Variants in TENM2 observed in about 807,000 individuals in gnomAD.
TENM2 encodes the protein teneurin-2.
TENM2 carries 52 observed loss-of-function variants against 245.2 expected under a neutral mutation model. The observed-to-expected ratio is 0.21, with a 90% CI of 0.17 to 0.27. The LOEUF is 0.27. TENM2 is among the 10% of genes least tolerant of loss of function. The probability of loss-of-function intolerance (pLI) is 1.00; values close to 1 mark genes in which losing one functional copy is unlikely to be tolerated. For synonymous variants in TENM2, 1,363 were observed against 1,438.9 expected (o/e 0.95, Z 1.19); for missense variants, 3,046 against 3,666.8 (o/e 0.83, Z 4.37).
chr5:167,006,371 A>G, the TENM2 span, among the ~76,000 whole-genome samples: 4 of 152,180 alleles, frequency 2.6e-5, no homozygotes, highest in South Asian at 2.1e-4. Flanking sequence ...TCTTCTTAGA[A>G]GTAAGTTGTT....
Position 167,452,961 on chromosome 5 carries a change from A to AT in TENM2, c.502+77491dup, listed in dbSNP as rs1554157784. Among the ~76,000 whole-genome samples the AT allele has an allele frequency of 3.2e-3, 248 of 77,062 alleles. 4 individuals are homozygous for AT. Among genetic ancestry groups the AT allele is most frequent in the African/African-American group, 9.9e-3 (240 of 24,338 alleles). The allele number at this position is 77,062 out of a possible 152,430, so 50.6% of individuals were successfully genotyped here. On this transcript the variant is annotated intron_variant, in intron 2 of 28. Transcript: ENST00000518659. ...TATATATATATATATATATATATAT[A>AT]TTTAAAAAAAAAAACACTGGTATGG... is the stretch of plus-strand genomic sequence containing the variant.
chr5:168,050,022 C>G lies in TENM2; in HGVS notation c.1309+2473C>G, dbSNP rs532139496. Among the ~76,000 whole-genome samples, 258 of 152,244 alleles carry G rather than the reference C, an allele frequency of 1.7e-3. 1 individual carries two copies. Among genetic ancestry groups the G allele is most frequent in the African/African-American group, 5.7e-3 (236 of 41,548 alleles). On this transcript the variant is annotated intron_variant, in intron 6 of 28. Coordinates refer to ENST00000518659, the Ensembl canonical transcript of TENM2. ...TTCACCATGTTGCCCAGGCTGGTTG[C>G]AAACTCCTGAGCTCAGGCAATCCTC...
At chr5:167,371,766 A>T (rs1760456269) in intron 1 of TENM2, among the ~76,000 whole-genome samples, 1 of 152,176 alleles carries the variant, frequency 6.6e-6, no homozygotes, top group Non-Finnish European at 1.5e-5. Flanking sequence ...GTCATGGACT[A>T]TATTTTTATA....
the TENM2 span, among the ~76,000 whole-genome samples, chr5:167,107,449 G>A: frequency 6.6e-6 from 1 of 152,174 alleles, no homozygotes; most frequent in Non-Finnish European, 1.5e-5. Flanking sequence ...GAGTCCAGGA[G>A]AGATGCTAGA....
At chr5:167,664,341 C>T (rs1346895988) in intron 2 of TENM2, among the ~76,000 whole-genome samples, 1 of 152,154 alleles carries the variant, frequency 6.6e-6, no homozygotes, top group African/African-American at 2.4e-5. Context: ...AATCCCCTTG[C>T]CTAGGTCTTA....
the TENM2 span, among the ~76,000 whole-genome samples, chr5:167,184,483 G>T: frequency 6.6e-6 from 1 of 152,162 alleles, no homozygotes; most frequent in Non-Finnish European, 1.5e-5. Context: ...GGGGTGGAGG[G>T]AAGTGTCTCA....
At chr5:167,560,469 G>A (rs1773515981) in intron 2 of TENM2, among the ~76,000 whole-genome samples, 1 of 152,062 alleles carries the variant, frequency 6.6e-6, no homozygotes, top group South Asian at 2.1e-4. Context: ...ATAACCACAG[G>A]GAGAGTGGTA....
At chr5:168,089,385 A>G (rs1314085821) in intron 7 of TENM2, among the ~76,000 whole-genome samples, 1 of 152,100 alleles carries the variant, frequency 6.6e-6, no homozygotes, top group African/African-American at 2.4e-5. Context: ...CATCCCTTTC[A>G]TCACATCAGT....
intron 4 of TENM2, among the ~76,000 whole-genome samples, chr5:167,977,106 G>A (rs1287127298): frequency 2.0e-5 from 3 of 152,142 alleles, no homozygotes; most frequent in African/African-American, 7.2e-5. Context: ...ATAAGTGGGA[G>A]CTAAATGATG....
chr5:168,097,695 A>G (rs1455053598), intron 8 of TENM2, among the ~76,000 whole-genome samples: 1 of 151,858 alleles, frequency 6.6e-6, no homozygotes, highest in Non-Finnish European at 1.5e-5. Context: ...CATGTGATCC[A>G]CTTGCCTCAG....
chr5:167,627,606 G>A (rs1247928270), intron 2 of TENM2, among the ~76,000 whole-genome samples: 1 of 148,576 alleles, frequency 6.7e-6, no homozygotes, highest in East Asian at 2.0e-4. Flanking sequence ...CACCCAGGCT[G>A]GAGTGCAGTG....
At chr5:168,102,193 C>T (rs1964376) in intron 9 of TENM2, among the ~76,000 whole-genome samples, 79,065 of 151,790 alleles carry the variant, frequency 0.52, 21,060 homozygotes, top group Admixed American at 0.62. Context: ...CCTGCCTCAG[C>T]CTCCTGAGTA....
the TENM2 span, among the ~76,000 whole-genome samples, chr5:167,194,961 C>T: frequency 3.9e-5 from 6 of 152,000 alleles, no homozygotes; most frequent in African/African-American, 4.8e-5. Flanking sequence ...TTAACTACTA[C>T]GCTATATCCC....
At chr5:167,600,735 A>G (rs1274151981) in intron 2 of TENM2, among the ~76,000 whole-genome samples, 2 of 152,310 alleles carry the variant, frequency 1.3e-5, no homozygotes, top group East Asian at 3.9e-4. Context: ...TGTCAACACA[A>G]TTAATTTCAC....
chr5:167,384,155 A>G (rs561017741), intron 2 of TENM2, among the ~76,000 whole-genome samples: 19 of 152,340 alleles, frequency 1.2e-4, no homozygotes, highest in Non-Finnish European at 2.4e-4. Flanking sequence ...CTAGATGAAT[A>G]GACAAAAATA....
chr5:168,195,255 T>C (rs1400333615), exon 15 of TENM2: 2 of 1,604,784 alleles, frequency 1.2e-6, no homozygotes, highest in Non-Finnish European at 8.5e-7. Flanking sequence ...TTTTGTCAAG[T>C]ACCCAAAATA....
chr5:167,781,609 T>G (rs1207001639), intron 2 of TENM2, among the ~76,000 whole-genome samples: 1 of 152,146 alleles, frequency 6.6e-6, no homozygotes, highest in Admixed American at 6.5e-5. Context: ...AAAGAATAAA[T>G]GAAAGTGATC....
chr5:167,278,435 T>G, the TENM2 span, among the ~76,000 whole-genome samples: 8 of 152,370 alleles, frequency 5.3e-5, no homozygotes, highest in Non-Finnish European at 1.0e-4. Flanking sequence ...CATTGCTATT[T>G]TAGGGCTTAA....
At chr5:168,017,147 A>T (rs1785725878) in intron 5 of TENM2, among the ~76,000 whole-genome samples, 1 of 152,114 alleles carries the variant, frequency 6.6e-6, no homozygotes, top group African/African-American at 2.4e-5. Context: ...CATTTCACCA[A>T]AGTAAAAGGA....
Sources: allele counts gnomAD v4.1 joint callset (sites outside exome capture counted in the v4.1 genomes callset), GRCh38; gene constraint gnomAD v4.1.1; transcripts MANE v1.5; gene names NCBI Gene and HGNC (gene_info 2026-07-23, HGNC 2026-07-21).